The following LEPROTL1 variants were observed in gnomAD, a reference collection of about 807,000 sequenced individuals.
LEPROTL1 encodes the protein leptin receptor overlapping transcript like 1, also known as leptin receptor overlapping transcript-like 1.
A neutral mutation model predicts 15.4 loss-of-function variants in LEPROTL1; 6 were observed. That is an observed-to-expected ratio of 0.39 (90% confidence interval 0.21 to 0.77). The LOEUF (loss-of-function observed/expected upper bound fraction) is 0.77, where lower values mean the gene tolerates loss of function less well. LEPROTL1 is among the 30% of genes least tolerant of loss of function. The probability of loss-of-function intolerance (pLI) is 0.41; values close to 1 mark genes in which losing one functional copy is unlikely to be tolerated. For synonymous variants in LEPROTL1, 56 were observed against 52.6 expected, an observed-to-expected ratio of 1.06 and a Z score of -0.28; for missense variants, 128 against 158.1, an observed-to-expected ratio of 0.81 and a Z score of 1.02.
At chr8:30,108,878 G>A (rs961099732), downstream of LEPROTL1, among the ~76,000 whole-genome samples, 4 of 151,792 alleles carry the variant, frequency 2.6e-5, no homozygotes, top group Admixed American at 2.0e-4. Context: ...TCGCCCTGCC[G>A]CTCAGCCTTC....
chr8:30,132,571 T>A (rs757655456), intron 4 of LEPROTL1: 1 of 1,551,724 alleles, frequency 6.4e-7, no homozygotes, highest in South Asian at 1.2e-5. Context: ...CGCTCCTGCA[T>A]CCACCACCCT....
Position 30,107,630 on chromosome 8 carries a change from CT to C in LEPROTL1, c.*1769del. ...TCGGCGTGTGGCTGGAGCCTTCCCA[CT>C]GGAGGCTGAAAGTGGCTTGTGGTAT... is the stretch of plus-strand genomic sequence containing the variant. On this transcript the variant is annotated 3_prime_UTR_variant, in exon 4 of 4. Transcript: ENST00000321250. The C allele has an allele frequency of 1.0e-6, 1 of 985,762 alleles. No homozygotes were observed. The allele number at this position is 985,762 out of a possible 1,614,324, so 61.1% of individuals were successfully genotyped here.
intron 3 of LEPROTL1, among the ~76,000 whole-genome samples, chr8:30,131,126 C>G (rs1030980450): frequency 6.6e-6 from 1 of 151,684 alleles, no homozygotes; most frequent in Non-Finnish European, 1.5e-5. Flanking sequence ...GGGTCTCCCT[C>G]TGTCAACCAG....
chr8:30,132,199 C>T (rs1335005081), intron 3 of LEPROTL1: 1 of 1,551,872 alleles, frequency 6.4e-7, no homozygotes, highest in Non-Finnish European at 8.7e-7. Flanking sequence ...CATCACGGCC[C>T]AGCAAACGAA....
rs201372373 is a variant in LEPROTL1, at chr8:30,105,705, G to A, written c.280-41G>A. On this transcript the variant is annotated intron_variant, in intron 3 of 3. Transcript: ENST00000321250. Reference sequence around the variant, plus strand: ...TGATTTTTTTTTTTATTTTCCTTTCGTTTTTCATGCCTGTTGACTGAGTGT... The same window carrying A: ...TGATTTTTTTTTTTATTTTCCTTTCATTTTTCATGCCTGTTGACTGAGTGT... 1.1e-4 allele frequency: 163 copies of A among 1,529,424 alleles called. No homozygotes were observed. In the African/African-American group the frequency reaches 1.5e-3, roughly 14 times the overall value. 94.7% of individuals were successfully genotyped at this position (1,529,424 alleles called of 1,614,324 possible).
chr8:30,104,392 T>C lies in LEPROTL1; in HGVS notation c.185T>C (p.Met62Thr). The C allele has an allele frequency of 1.2e-6, 2 of 1,612,790 alleles. No homozygotes were observed. The highest frequency in any genetic ancestry group is 2.2e-5 in the South Asian group (2 of 90,752). The change falls in exon 3 of 4, where the codon ATG becomes ACG. Residue 62 changes from methionine (M) to threonine (T), a missense_variant. Coordinates refer to ENST00000321250, the MANE Select transcript of LEPROTL1 (RefSeq NM_015344.3). ...ARRLVDDTDA[M>T]SNACKELAIF... is the part of the protein sequence containing the mutation. ...AGATTAGTGGATGATACAGATGCTA[T>C]GAGTAACGCTTGTAAGGAACTTGCC...
intron 3 of LEPROTL1, chr8:30,117,568 T>G: frequency 7.3e-7 from 1 of 1,375,404 alleles, no homozygotes; most frequent in Non-Finnish European, 1.0e-6. Flanking sequence ...CCACACTTGT[T>G]TAGCCTGTCT....
downstream of LEPROTL1, among the ~76,000 whole-genome samples, chr8:30,111,895 A>T (rs1371416877): frequency 2.0e-5 from 3 of 152,122 alleles, no homozygotes; most frequent in Admixed American, 6.6e-5. Flanking sequence ...CAGCTTTTTG[A>T]TTCTGACACG....
At chr8:30,112,765 G>A (rs1802674688), downstream of LEPROTL1, among the ~76,000 whole-genome samples, 1 of 151,840 alleles carries the variant, frequency 6.6e-6, no homozygotes. Context: ...CTCATAAAGT[G>A]GTGAGATTTA....
At chr8:30,110,387 G>A (rs78536546), downstream of LEPROTL1, among the ~76,000 whole-genome samples, 8,777 of 152,100 alleles carry the variant, frequency 0.058, 378 homozygotes, top group East Asian at 0.23. Context: ...GTGCGTGCGC[G>A]CGTGTGTGTA....
At chr8:30,129,539 T>C (rs1281422910) in intron 3 of LEPROTL1, among the ~76,000 whole-genome samples, 1 of 152,086 alleles carries the variant, frequency 6.6e-6, no homozygotes, top group Non-Finnish European at 1.5e-5. Context: ...ACCCCGTCTC[T>C]GCTAAAAATA....
Position 30,107,803 on chromosome 8 carries a change from G to A in LEPROTL1, c.*1941G>A. 1.0e-6 allele frequency: 1 copy of A among 985,354 alleles called. No homozygotes were observed. Among genetic ancestry groups the A allele is most frequent in the Non-Finnish European group, 1.2e-6 (1 of 829,924 alleles). The allele number at this position is 985,354 out of a possible 1,614,324, so 61.0% of individuals were successfully genotyped here. On this transcript the variant is annotated 3_prime_UTR_variant, in exon 4 of 4. Transcript: ENST00000321250. ...TGGTCCTTCCCTATTTTCTGTTCTG[G>A]ATGTCAGTGCAGTGCACTGCTACTG...
chr8:30,107,746 A>G lies in LEPROTL1; in HGVS notation c.*1884A>G, dbSNP rs1234334296. 10 of 901,054 alleles carry G rather than the reference A, an allele frequency of 1.1e-5. No individual in the cohort carries two copies. The highest frequency in any genetic ancestry group is 1.3e-5 in the Non-Finnish European group (10 of 784,572). The allele number at this position is 901,054 out of a possible 1,614,324, so 55.8% of individuals were successfully genotyped here. On this transcript the variant is annotated 3_prime_UTR_variant, in exon 4 of 4. Transcript: ENST00000321250. ...TGGGAACTCTTTGTGCTTGTGATCT[A>G]CTGGACTTTTTTTTGCAGGAAGTGC...
downstream of LEPROTL1, among the ~76,000 whole-genome samples, chr8:30,109,862 G>GAA (rs112765278): frequency 2.0e-5 from 3 of 151,600 alleles, no homozygotes; most frequent in African/African-American, 7.3e-5. Context: ...GCTTTTTTAA[G>GAA]AAAAAAATAA....
chr8:30,104,714 C>CT (rs376796010), intron 3 of LEPROTL1: 30,391 of 200,202 alleles, frequency 0.15, 1,621 homozygotes, highest in South Asian at 0.25. Flanking sequence ...TTTTTTTTTT[C>CT]TTTTTTTTTT....
Position 30,105,961 on chromosome 8 carries a change from G to A in LEPROTL1, c.*99G>A, listed in dbSNP as rs1802558838. 2 of 1,327,494 alleles carry A rather than the reference G, an allele frequency of 1.5e-6. No homozygotes were observed. The highest frequency in any genetic ancestry group is 1.9e-6 in the Non-Finnish European group (2 of 1,026,350). 82.2% of individuals were successfully genotyped at this position (1,327,494 alleles called of 1,614,324 possible). ...CAGTTAATGCTGAATGGTATAGCAA[G>A]CCTCTTGGGGGTATTTTAGGTGCTC... On this transcript the variant is annotated 3_prime_UTR_variant, in exon 4 of 4. Transcript: ENST00000321250.
In LEPROTL1 at chr8:30,131,934, G is replaced by C. The variant is rs142942186; in HGVS notation, c.280-441G>C. On this transcript the variant is annotated intron_variant, in intron 3 of 4. Transcript: ENST00000442880. ...CCTGGGTGTTTAAGGTGAAAGCCAGGGAAAGATGTCAGTTACATTTGTGCT... is the reference window on the plus strand; with the variant it reads ...CCTGGGTGTTTAAGGTGAAAGCCAGCGAAAGATGTCAGTTACATTTGTGCT... 34 of 1,538,152 alleles carry C rather than the reference G, an allele frequency of 2.2e-5. 1 individual carries two copies. The South Asian group carries it at 4.0e-4, about 18-fold the overall frequency.
intron 3 of LEPROTL1, among the ~76,000 whole-genome samples, chr8:30,113,589 G>T (rs1802687773): frequency 6.6e-6 from 1 of 152,146 alleles, no homozygotes. Flanking sequence ...AGATGACTAC[G>T]CATCTCCACG....
rs371805932 is a variant in LEPROTL1 at position 30,105,753 on chromosome 8, G to T, written c.287G>T (p.Trp96Leu). ...TGTATCTTATTTCCATAGATTGAGT[G>T]GGGAGCTTGTGCACTTGTTCTCACA... is the stretch of plus-strand genomic sequence containing the variant. ...IVFARAHLIE[W>L]GACALVLTGN... is the part of the protein sequence containing the mutation. Residue 96 changes from tryptophan to leucine, a missense_variant, in exon 4 of 4, where the codon TGG (tryptophan) becomes TTG (leucine). Coordinates refer to ENST00000321250, the MANE Select transcript of LEPROTL1 (RefSeq NM_015344.3). The T allele has an allele frequency of 5.0e-6, 8 of 1,593,262 alleles. No individual in the cohort carries two copies. Among genetic ancestry groups the T allele is most frequent in the Non-Finnish European group, 6.8e-6 (8 of 1,169,112 alleles).
Sources: allele counts gnomAD v4.1 joint callset (sites outside exome capture counted in the v4.1 genomes callset), GRCh38; gene constraint gnomAD v4.1.1; transcripts MANE v1.5; gene names NCBI Gene and HGNC (gene_info 2026-07-23, HGNC 2026-07-21).